EXOC6B: variants seen among roughly 807,000 people sequenced by gnomAD.
EXOC6B encodes the protein exocyst complex component 6B.
A neutral mutation model predicts 113.5 loss-of-function variants in EXOC6B; 54 were observed. The observed-to-expected ratio is 0.48, with a 90% CI of 0.38 to 0.60. The LOEUF is 0.60. EXOC6B is among the 20% of genes least tolerant of loss of function. EXOC6B has a pLI of 0.00. For synonymous variants in EXOC6B, 357 were observed against 339.0 expected (o/e 1.05, Z -0.58); for missense variants, 797 against 977.5 (o/e 0.82, Z 2.46).
At position 72,615,560 on chromosome 2, in the gene EXOC6B, T is replaced by G. The variant is rs190010082; in HGVS notation, c.670-39892A>C. Reference sequence around the variant, plus strand: ...AGAAAATAGAAGTGACTCTAACACATTAATCACGTTTGCGGTAATGCTGAT... The same window carrying G: ...AGAAAATAGAAGTGACTCTAACACAGTAATCACGTTTGCGGTAATGCTGAT... On this transcript the variant is annotated intron_variant, in intron 6 of 21. Coordinates refer to ENST00000272427, the MANE Select transcript of EXOC6B (RefSeq NM_015189.3). Among the ~76,000 whole-genome samples, 700 of 149,880 alleles carry G rather than the reference T, an allele frequency of 4.7e-3. 2 individuals carry two copies. Among genetic ancestry groups the G allele is most frequent in the Non-Finnish European group, 8.1e-3 (550 of 67,598 alleles).
chr2:72,379,604 CT>C, intron 19 of EXOC6B, 124 bp downstream of exon 19: 1 of 886,692 alleles, frequency 1.1e-6, no homozygotes, highest in Non-Finnish European at 1.6e-6. Context: ...TAAGTTATCT[CT>C]GTTATCTAGG....
At chr2:72,499,638 T>TGAA (rs1290482144) in intron 12 of EXOC6B, among the ~76,000 whole-genome samples, 1 of 151,590 alleles carries the variant, frequency 6.6e-6, no homozygotes, top group Non-Finnish European at 1.5e-5. Flanking sequence ...GGCAATCCTC[T>TGAA]CACCTCTGCC....
At chr2:72,522,156 A>G (rs1338805678) in intron 8 of EXOC6B, among the ~76,000 whole-genome samples, 1 of 152,192 alleles carries the variant, frequency 6.6e-6, no homozygotes, top group African/African-American at 2.4e-5. Flanking sequence ...CACATATCCT[A>G]TATTTCCTTA....
intron 19 of EXOC6B, among the ~76,000 whole-genome samples, chr2:72,358,900 C>T (rs994726369): frequency 2.0e-5 from 3 of 152,164 alleles, no homozygotes; most frequent in African/African-American, 7.2e-5. Context: ...CCTCAACTCC[C>T]TCCCATCTTC....
intron 6 of EXOC6B, among the ~76,000 whole-genome samples, chr2:72,670,865 T>C (rs1043564431): frequency 2.6e-5 from 4 of 152,182 alleles, no homozygotes; most frequent in African/African-American, 9.7e-5. Flanking sequence ...CTACTGACAC[T>C]TATTTTCTAT....
intron 20 of EXOC6B, among the ~76,000 whole-genome samples, chr2:72,318,144 A>G (rs900755662): frequency 1.3e-5 from 2 of 152,216 alleles, no homozygotes; most frequent in Admixed American, 1.3e-4. Flanking sequence ...CCAGATGACC[A>G]TAGTTTTCAG....
chr2:72,498,670 G>A (rs759886379), intron 12 of EXOC6B, 119 bp from the exon 13 acceptor site: 51 of 586,240 alleles, frequency 8.7e-5, no homozygotes, highest in Non-Finnish European at 1.4e-4. Context: ...TCTTTGAACA[G>A]CAAATTAAAT....
intron 6 of EXOC6B, among the ~76,000 whole-genome samples, chr2:72,637,151 C>T (rs1300052671): frequency 6.6e-6 from 1 of 152,008 alleles, no homozygotes; most frequent in Non-Finnish European, 1.5e-5. Context: ...CAACAAAACA[C>T]TGATGAAAGA....
intron 1 of EXOC6B, among the ~76,000 whole-genome samples, chr2:72,760,323 C>T (rs1682664772): frequency 6.6e-6 from 1 of 152,182 alleles, no homozygotes; most frequent in African/African-American, 2.4e-5. Context: ...TTTTAGGTTT[C>T]AAGACAGTGT....
intron 18 of EXOC6B, chr2:72,463,934 G>A (rs190904085): frequency 1.3e-5 from 2 of 152,260 alleles, no homozygotes; most frequent in East Asian, 3.9e-4. Context: ...AATAAAAAAG[G>A]AGTCTTCTTC....
chr2:72,216,889 C>T (rs1450041081), intron 20 of EXOC6B, among the ~76,000 whole-genome samples: 3 of 151,810 alleles, frequency 2.0e-5, no homozygotes, highest in Non-Finnish European at 2.9e-5. Context: ...CAAAACACAC[C>T]GGGGCCTGTT....
At chr2:72,654,569 A>G (rs1041808237) in intron 6 of EXOC6B, among the ~76,000 whole-genome samples, 1 of 152,224 alleles carries the variant, frequency 6.6e-6, no homozygotes, top group African/African-American at 2.4e-5. Context: ...TGTAAATTAA[A>G]CAACTAAGTG....
intron 5 of EXOC6B, among the ~76,000 whole-genome samples, chr2:72,724,503 C>T (rs2104748452): frequency 6.6e-6 from 1 of 152,038 alleles, no homozygotes; most frequent in East Asian, 1.9e-4. Flanking sequence ...AAAAAAAAAG[C>T]ACCCCAAAAT....
At chr2:72,767,831 A>AAAAAAAAAAAAAAAAAAAAAAC (rs1204403797) in intron 1 of EXOC6B, among the ~76,000 whole-genome samples, 1 of 142,950 alleles carries the variant, frequency 7.0e-6, no homozygotes, top group Non-Finnish European at 1.5e-5. Context: ...AAAAAAAAAA[A>AAAAAAAAAAAAAAAAAAAAAAC]AAGACCAAGT....
rs371990569 is a variant in EXOC6B, at chr2:72,219,081, G to A, written c.2197-34894C>T. Among the ~76,000 whole-genome samples, 8 of 152,192 alleles carry A rather than the reference G, an allele frequency of 5.3e-5. No individual in the cohort carries two copies. In the East Asian group the frequency reaches 1.2e-3, roughly 22 times the overall value. On this transcript the variant is annotated intron_variant, in intron 20 of 21. Transcript: ENST00000272427. ...TCAGGGGGCCTTGCTTTCTATGGGC[G>A]ACAAGAGGCACTGGCATTCCATAGT...
chr2:72,637,559 T>A (rs1573531011), intron 6 of EXOC6B, among the ~76,000 whole-genome samples: 1 of 151,804 alleles, frequency 6.6e-6, no homozygotes, highest in East Asian at 1.9e-4. Flanking sequence ...GAGGCAGAGG[T>A]GGGCAGATCA....
intron 20 of EXOC6B, among the ~76,000 whole-genome samples, chr2:72,318,086 C>G (rs1687631307): frequency 1.3e-5 from 2 of 152,146 alleles, no homozygotes; most frequent in South Asian, 4.1e-4. Flanking sequence ...CCACTGGAGA[C>G]AAGCAAAGGT....
At chr2:72,384,158 A>T (rs1458495455) in intron 18 of EXOC6B, among the ~76,000 whole-genome samples, 2 of 152,144 alleles carry the variant, frequency 1.3e-5, no homozygotes, top group African/African-American at 4.8e-5. Context: ...AAGTTAAAAG[A>T]AAACAAACAA....
intron 2 of EXOC6B, among the ~76,000 whole-genome samples, chr2:72,739,979 C>A (rs908038643): frequency 6.6e-6 from 1 of 151,956 alleles, no homozygotes; most frequent in Non-Finnish European, 1.5e-5. Flanking sequence ...TTACATAATA[C>A]CCCCACCCAA....
Sources: allele counts gnomAD v4.1 joint callset (sites outside exome capture counted in the v4.1 genomes callset), GRCh38; gene constraint gnomAD v4.1.1; transcripts MANE v1.5; gene names NCBI Gene and HGNC (gene_info 2026-07-23, HGNC 2026-07-21).